The following CDH11 variants were observed in gnomAD, a reference collection of about 807,000 sequenced individuals.
CDH11 encodes the protein cadherin-11.
In CDH11, 11 loss-of-function variants were observed where a neutral mutation model predicts 67.8. That is an observed-to-expected ratio of 0.16 (90% CI 0.10 to 0.27). CDH11 has a LOEUF of 0.27. Among genes scored for constraint, CDH11 ranks in the 10% least tolerant of loss-of-function variants. The pLI is 1.00. For synonymous variants in CDH11, 419 were observed against 400.0 expected (o/e 1.05, Z -0.57); for missense variants, 847 against 1,031.2 (o/e 0.82, Z 2.45).
intron 1 of CDH11, among the ~76,000 whole-genome samples, chr16:65,094,393 C>T (rs190518301): frequency 0.017 from 2,514 of 152,080 alleles, 42 homozygotes; most frequent in Middle Eastern, 0.065. Flanking sequence ...GAAATCAATA[C>T]CTTAAACAAT....
intron 1 of CDH11, among the ~76,000 whole-genome samples, chr16:65,091,638 G>A (rs906217470): frequency 2.7e-5 from 4 of 148,788 alleles, no homozygotes; most frequent in South Asian, 2.1e-4. Context: ...TGCAAGCTCC[G>A]CCTCCTGGGT....
At chr16:65,027,659 C>T (rs1404385055) in intron 2 of CDH11, among the ~76,000 whole-genome samples, 1 of 152,230 alleles carries the variant, frequency 6.6e-6, no homozygotes, top group Non-Finnish European at 1.5e-5. Flanking sequence ...GACAGAAAGG[C>T]TTGCCCTTGT....
chr16:65,011,045 A>G (rs2073171238), intron 2 of CDH11, among the ~76,000 whole-genome samples: 3 of 147,922 alleles, frequency 2.0e-5, no homozygotes, highest in African/African-American at 7.4e-5. Flanking sequence ...ATGTATATGT[A>G]TATATGTATA....
intron 11 of CDH11, among the ~76,000 whole-genome samples, chr16:64,952,671 CAT>C (rs1286845684): frequency 5.2e-5 from 7 of 133,512 alleles, no homozygotes; most frequent in Admixed American, 1.5e-4. Context: ...TACACACACA[CAT>C]ACACACACAC....
chr16:65,014,277 C>G (rs1292235657), intron 2 of CDH11, among the ~76,000 whole-genome samples: 1 of 151,922 alleles, frequency 6.6e-6, no homozygotes, highest in African/African-American at 2.4e-5. Flanking sequence ...TAATGTCAGT[C>G]ACGTGTAATT....
At chr16:65,086,734 A>C (rs1199960020) in intron 1 of CDH11, among the ~76,000 whole-genome samples, 2 of 152,146 alleles carry the variant, frequency 1.3e-5, no homozygotes, top group Non-Finnish European at 2.9e-5. Flanking sequence ...CTTTGAAACG[A>C]GTTTCCCAGG....
At position 64,998,814 on chromosome 16, in the gene CDH11, T is replaced by C; in HGVS notation, c.271A>G (p.Ile91Val). The change falls in exon 4 of 13, where the codon ATT (isoleucine) becomes GTT (valine). Residue 91 changes from isoleucine (I) to valine (V), a missense_variant. This residue lies in a region of CDH11 where 235 missense variants were observed against 352.5 expected (regional missense o/e 0.67). Transcript: ENST00000268603. ...GTTCCAGCTCCTTCCCCTGAGAGAA[T>C]GTATTTAATGTTCCCATCACCAGAG... ...IDSGDGNIKY[I>V]LSGEGAGTIF... is the part of the protein sequence containing the mutation. 1 of 1,614,106 alleles carries C rather than the reference T, an allele frequency of 6.2e-7. No individual in the cohort carries two copies. Among genetic ancestry groups the C allele is most frequent in the Non-Finnish European group, 8.5e-7 (1 of 1,179,972 alleles).
rs145012420 is a variant in CDH11 at position 65,100,321 on chromosome 16, TAGG to T, written c.-298+21556_-298+21558del. ...GGATCATCTGAGGCAACAAATGTAA[TAGG>T]AGAAGAAGACTGGAAGAAAATACTA... On this transcript the variant is annotated intron_variant, in intron 1 of 12. Coordinates refer to ENST00000268603, the MANE Select transcript of CDH11 (RefSeq NM_001797.4). Among the ~76,000 whole-genome samples, 690 of 151,834 alleles carry T rather than the reference TAGG, an allele frequency of 4.5e-3. 2 individuals are homozygous for T. The highest frequency in any genetic ancestry group is 0.016 in the African/African-American group (651 of 41,370).
At chr16:65,056,599 C>A (rs1001454946) in intron 1 of CDH11, among the ~76,000 whole-genome samples, 2 of 152,154 alleles carry the variant, frequency 1.3e-5, no homozygotes, top group African/African-American at 4.8e-5. Context: ...GCACATATAA[C>A]CATCCTGGGT....
intron 2 of CDH11, among the ~76,000 whole-genome samples, chr16:65,029,433 G>A (rs1487387713): frequency 6.6e-6 from 1 of 152,170 alleles, no homozygotes; most frequent in Admixed American, 6.5e-5. Context: ...CTCTGAGACT[G>A]AACTTTGAGC....
At chr16:64,987,653 G>A (rs189452137) in intron 7 of CDH11, 1 of 152,248 alleles carries the variant, frequency 6.6e-6, no homozygotes, top group Non-Finnish European at 1.5e-5. Context: ...TTGACTAGGG[G>A]AGAAGGTCCA....
rs571227067 is a variant in CDH11 at position 65,067,343 on chromosome 16, T to C, written c.-297-13415A>G. 2.1e-3 allele frequency among the ~76,000 whole-genome samples: 322 copies of C among 152,260 alleles called. 2 individuals are homozygous for C. Among genetic ancestry groups the C allele is most frequent in the Non-Finnish European group, 2.3e-3 (158 of 68,028 alleles). On this transcript the variant is annotated intron_variant, in intron 1 of 12. Coordinates refer to ENST00000268603, the MANE Select transcript of CDH11 (RefSeq NM_001797.4). ...GATGACAAGGCATAGATAGAACACA[T>C]ACACAATGTAAGTAGAGCACACATT...
intron 1 of CDH11, among the ~76,000 whole-genome samples, chr16:65,085,272 A>G (rs1422481750): frequency 6.6e-6 from 1 of 152,186 alleles, no homozygotes; most frequent in Non-Finnish European, 1.5e-5. Flanking sequence ...TACCAGCCAA[A>G]GCTGCATAGT....
intron 7 of CDH11, chr16:64,987,854 T>G (rs1209403820): frequency 4.1e-6 from 1 of 244,354 alleles, no homozygotes; most frequent in African/African-American, 2.2e-5. Flanking sequence ...TTCTTCAAAA[T>G]CTAGATTTAT....
rs191480140 is a variant in CDH11, at chr16:64,959,219, T to A, written c.1643-8201A>T. 2.6e-3 allele frequency among the ~76,000 whole-genome samples: 395 copies of A among 152,332 alleles called. 1 individual carries two copies. The highest frequency in any genetic ancestry group is 4.5e-3 in the Non-Finnish European group (303 of 68,014). On this transcript the variant is annotated intron_variant, in intron 11 of 12. Coordinates refer to ENST00000268603, the MANE Select transcript of CDH11 (RefSeq NM_001797.4). The stretch of plus-strand genomic sequence containing the variant: ...TGATAGAAATACTTGCCTGTGTGCA[T>A]GTGAAATTCAAGCATGTGTGTATGA...
intron 11 of CDH11, among the ~76,000 whole-genome samples, chr16:64,966,962 CA>C (rs2071849465): frequency 6.6e-6 from 1 of 151,944 alleles, no homozygotes; most frequent in Non-Finnish European, 1.5e-5. Flanking sequence ...CTTATAAGAA[CA>C]AAAGAAGAAC....
intron 8 of CDH11, chr16:64,981,442 A>G (rs1295408573): frequency 6.6e-6 from 1 of 151,986 alleles, no homozygotes; most frequent in African/African-American, 2.4e-5. Flanking sequence ...TCACAAAAAA[A>G]GGTATTCATA....
chr16:65,081,826 C>T (rs759923337), intron 1 of CDH11, among the ~76,000 whole-genome samples: 3 of 152,126 alleles, frequency 2.0e-5, no homozygotes, highest in Non-Finnish European at 4.4e-5. Context: ...TATAACTGTC[C>T]TGAATTAATT....
chr16:65,114,079 T>C (rs1180742678), intron 1 of CDH11, among the ~76,000 whole-genome samples: 1 of 152,206 alleles, frequency 6.6e-6, no homozygotes, highest in Non-Finnish European at 1.5e-5. Flanking sequence ...TTCAGCTCCT[T>C]CTTCATTAAA....
Sources: allele counts gnomAD v4.1 joint callset (sites outside exome capture counted in the v4.1 genomes callset), GRCh38; gene constraint gnomAD v4.1.1; regional missense constraint gnomAD v4.1.1; transcripts MANE v1.5; gene names NCBI Gene and HGNC (gene_info 2026-07-23, HGNC 2026-07-21).